CNTNAP2: variants seen among roughly 807,000 people sequenced by gnomAD.
CNTNAP2 encodes the protein contactin-associated protein-like 2.
In CNTNAP2, 98 loss-of-function variants were observed where a neutral mutation model predicts 155.2. The observed-to-expected ratio is 0.63, with a 90% CI of 0.54 to 0.75. CNTNAP2 has a LOEUF of 0.75. Ranked by LOEUF, CNTNAP2 falls within the 30% of genes least tolerant of loss-of-function variation. The pLI, the probability that CNTNAP2 is intolerant of heterozygous loss-of-function variation, is 0.00. For synonymous variants in CNTNAP2, 651 were observed against 631.2 expected (o/e 1.03, Z -0.47); for missense variants, 1,727 against 1,688.1 (o/e 1.02, Z -0.40).
chr7:146,450,845 C>T (rs890533922), intron 1 of CNTNAP2, among the ~76,000 whole-genome samples: 34 of 152,162 alleles, frequency 2.2e-4, no homozygotes, highest in African/African-American at 7.5e-4. Context: ...AAGCAATTTT[C>T]GGTCTTTTAA....
At chr7:146,717,509 A>G (rs1801211931) in intron 1 of CNTNAP2, among the ~76,000 whole-genome samples, 1 of 152,068 alleles carries the variant, frequency 6.6e-6, no homozygotes. Context: ...GTGAGACTCT[A>G]TCATAATGTT....
At chr7:147,077,945 A>G (rs1366314000) in intron 4 of CNTNAP2, among the ~76,000 whole-genome samples, 1 of 152,164 alleles carries the variant, frequency 6.6e-6, no homozygotes, top group Non-Finnish European at 1.5e-5. Context: ...TTCACTCCAC[A>G]TTATTACTTT....
At chr7:146,481,005 A>T (rs770013628) in intron 1 of CNTNAP2, among the ~76,000 whole-genome samples, 237 of 150,282 alleles carry the variant, frequency 1.6e-3, no homozygotes, top group Middle Eastern at 3.4e-3. Context: ...ATTAATGAAA[A>T]TTTTTTTTTT....
intron 1 of CNTNAP2, among the ~76,000 whole-genome samples, chr7:146,153,245 A>T (rs1798077354): frequency 6.6e-6 from 1 of 152,146 alleles, no homozygotes; most frequent in African/African-American, 2.4e-5. Flanking sequence ...TGTTTTCATG[A>T]CATTATTAAC....
rs996940777 is a variant in CNTNAP2, at chr7:147,162,210, C to T, written c.1348+29701C>T. ...TTTATAGATGGTCTACTAAATGGTC[C>T]ACCAGTATTCTTATTTAGCTTAGTG... On this transcript the variant is annotated intron_variant, in intron 8 of 23. Coordinates refer to ENST00000361727, the MANE Select transcript of CNTNAP2 (RefSeq NM_014141.6). 4 of 152,218 alleles carry T rather than the reference C, an allele frequency of 2.6e-5. No individual in the cohort carries two copies. The South Asian group carries it at 8.3e-4, about 32-fold the overall frequency. The allele number at this position is 152,218 out of a possible 1,614,324, so 9.4% of individuals were successfully genotyped here. A position where few individuals can be genotyped will look rare whatever the true frequency, so the allele number is the denominator to read the frequency against.
At chr7:147,092,223 T>C (rs1470653236) in intron 4 of CNTNAP2, among the ~76,000 whole-genome samples, 1 of 152,252 alleles carries the variant, frequency 6.6e-6, no homozygotes, top group Non-Finnish European at 1.5e-5. Flanking sequence ...GTTCAGTTCC[T>C]TTCCCAATGA....
At chr7:146,855,748 C>T (rs1170974479) in intron 3 of CNTNAP2, among the ~76,000 whole-genome samples, 1 of 145,464 alleles carries the variant, frequency 6.9e-6, no homozygotes, top group Non-Finnish European at 1.5e-5. Flanking sequence ...AAGAAACATA[C>T]GTGGAATGAG....
chr7:146,470,738 A>G (rs577743079), intron 1 of CNTNAP2, among the ~76,000 whole-genome samples: 8 of 151,814 alleles, frequency 5.3e-5, no homozygotes, highest in Non-Finnish European at 1.2e-4. Context: ...TCCAGCTAAT[A>G]TTTGTATTTT....
chr7:147,624,860 A>G (rs10265946), intron 12 of CNTNAP2, among the ~76,000 whole-genome samples: 3,081 of 152,296 alleles, frequency 0.02, 108 homozygotes, highest in African/African-American at 0.07. Context: ...CAACCAAAGC[A>G]TCCATCAACA....
intron 13 of CNTNAP2, among the ~76,000 whole-genome samples, chr7:147,690,700 T>G (rs1796075761): frequency 6.6e-6 from 1 of 152,140 alleles, no homozygotes. Context: ...TATGTATATA[T>G]GCTTTTCTTT....
chr7:148,256,126 T>A (rs1043899851), intron 20 of CNTNAP2, among the ~76,000 whole-genome samples: 4 of 152,098 alleles, frequency 2.6e-5, no homozygotes, highest in Non-Finnish European at 5.9e-5. Flanking sequence ...TGTTATACGG[T>A]CTGGATCTCA....
intron 2 of CNTNAP2, among the ~76,000 whole-genome samples, chr7:146,802,133 G>A (rs959764838): frequency 5.3e-5 from 8 of 152,170 alleles, no homozygotes; most frequent in African/African-American, 1.9e-4. Context: ...CAGTTCTATA[G>A]GTCAGAAGTC....
chr7:148,152,740 G>T (rs1225382108), intron 17 of CNTNAP2, among the ~76,000 whole-genome samples: 1 of 152,138 alleles, frequency 6.6e-6, no homozygotes, highest in Non-Finnish European at 1.5e-5. Context: ...CTAAACTCTA[G>T]CTGGGCACGG....
chr7:147,150,210 CTAAG>C (rs1801797738), intron 8 of CNTNAP2, among the ~76,000 whole-genome samples: 1 of 152,060 alleles, frequency 6.6e-6, no homozygotes, highest in Non-Finnish European at 1.5e-5. Flanking sequence ...AGATTATTTA[CTAAG>C]TAAGAACAGA....
chr7:148,177,730 A>G (rs1034942439), intron 18 of CNTNAP2, among the ~76,000 whole-genome samples: 1 of 152,192 alleles, frequency 6.6e-6, no homozygotes, highest in Non-Finnish European at 1.5e-5. Context: ...AGGTTCACAT[A>G]TTAGTAAGAG....
At chr7:147,600,551 A>G (rs1230053550) in intron 12 of CNTNAP2, among the ~76,000 whole-genome samples, 2 of 152,180 alleles carry the variant, frequency 1.3e-5, no homozygotes, top group African/African-American at 4.8e-5. Context: ...CATCCATTTA[A>G]ACCTGTGAAA....
chr7:148,167,036 A>C (rs1805680472), intron 17 of CNTNAP2, among the ~76,000 whole-genome samples: 1 of 152,234 alleles, frequency 6.6e-6, no homozygotes. Flanking sequence ...GGACTACCTA[A>C]GCAAGAAAAG....
intron 4 of CNTNAP2, among the ~76,000 whole-genome samples, chr7:147,054,248 T>G (rs1053134850): frequency 2.0e-5 from 3 of 152,286 alleles, no homozygotes; most frequent in African/African-American, 7.2e-5. Context: ...GTAAGAAAAG[T>G]ATCTCACTAG....
Position 148,415,775 on chromosome 7 carries a change from G to C in CNTNAP2, c.*159G>C. 1.5e-6 allele frequency: 1 copy of C among 678,898 alleles called. No homozygotes were observed. The highest frequency in any genetic ancestry group is 2.3e-6 in the Non-Finnish European group (1 of 433,162). 42.1% of individuals were successfully genotyped at this position (678,898 alleles called of 1,614,324 possible). Reference sequence around the variant, plus strand: ...AATATAATGGAATATTCTTGAGACTGATCACAAAAAAAAAAACCTTTTTAA... The same window carrying C: ...AATATAATGGAATATTCTTGAGACTCATCACAAAAAAAAAAACCTTTTTAA... On this transcript the variant is annotated 3_prime_UTR_variant, in exon 24 of 24. Coordinates refer to ENST00000361727, the MANE Select transcript of CNTNAP2 (RefSeq NM_014141.6).
Sources: allele counts gnomAD v4.1 joint callset (sites outside exome capture counted in the v4.1 genomes callset), GRCh38; gene constraint gnomAD v4.1.1; transcripts MANE v1.5; gene names NCBI Gene and HGNC (gene_info 2026-07-23, HGNC 2026-07-21).